Variants in PTPRD observed in about 807,000 individuals in gnomAD.
PTPRD encodes the protein protein tyrosine phosphatase receptor type D.
Under a neutral mutation model 214.5 loss-of-function variants are expected in PTPRD, and 34 were observed. The ratio of observed to expected loss-of-function variants is 0.16; its 90% CI spans 0.12 to 0.21. PTPRD has a LOEUF of 0.21. Among genes scored for constraint, PTPRD ranks in the 10% least tolerant of loss-of-function variants. The pLI is 1.00. For missense variants in PTPRD, 2,545 were observed against 2,398.7 expected, an observed-to-expected ratio of 1.06 and a Z score of -1.27; for synonymous variants, 1,128 against 845.7, an observed-to-expected ratio of 1.33 and a Z score of -5.79.
At chr9:9,145,474 C>A (rs1484094378) in intron 10 of PTPRD, among the ~76,000 whole-genome samples, 1 of 151,760 alleles carries the variant, frequency 6.6e-6, no homozygotes, top group Non-Finnish European at 1.5e-5. Context: ...TTTTATTAGT[C>A]AAGAATACCT....
chr9:9,331,560 T>A (rs1450576682), intron 9 of PTPRD, among the ~76,000 whole-genome samples: 2 of 152,060 alleles, frequency 1.3e-5, no homozygotes, highest in African/African-American at 2.4e-5. Context: ...GGAGAGTAGA[T>A]CGTTATGGAT....
intron 11 of PTPRD, among the ~76,000 whole-genome samples, chr9:8,748,686 C>T (rs773192786): frequency 3.9e-5 from 6 of 151,982 alleles, no homozygotes; most frequent in South Asian, 2.1e-4. Context: ...CCAAGGCAGA[C>T]GGATCACCTG....
intron 36 of PTPRD, among the ~76,000 whole-genome samples, chr9:8,400,824 G>A (rs1752246869): frequency 2.0e-5 from 3 of 152,006 alleles, no homozygotes; most frequent in Non-Finnish European, 4.4e-5. Context: ...TCACACTGCC[G>A]CTTCACTAGA....
rs189740083 is a variant in PTPRD, at chr9:9,481,914, T to A, written c.-236-84432A>T. On this transcript the variant is annotated intron_variant, in intron 8 of 45. Transcript: ENST00000381196. Reference sequence around the variant, plus strand: ...ATTGCATTTTATCTAACCCAAAGAATCTTAATAGATAAAAATTAATAAAAT... The same window carrying A: ...ATTGCATTTTATCTAACCCAAAGAAACTTAATAGATAAAAATTAATAAAAT... Among the ~76,000 whole-genome samples, 11 of 152,282 alleles carry A rather than the reference T, an allele frequency of 7.2e-5. No individual in the cohort carries two copies. In the East Asian group the frequency reaches 2.1e-3, roughly 29 times the overall value.
chr9:8,329,941 T>C (rs1838161254), intron 44 of PTPRD, among the ~76,000 whole-genome samples: 1 of 55,098 alleles, frequency 1.8e-5, no homozygotes. Flanking sequence ...GGATCGTATC[T>C]TGCTGGGCTC....
intron 9 of PTPRD, among the ~76,000 whole-genome samples, chr9:9,359,336 C>G (rs578003602): frequency 1.5e-4 from 22 of 151,346 alleles, no homozygotes; most frequent in African/African-American, 5.3e-4. Context: ...TAGGAAAGGA[C>G]ACTTCGGGGA....
At chr9:9,194,991 G>C (rs1021248792) in intron 9 of PTPRD, among the ~76,000 whole-genome samples, 6 of 151,010 alleles carry the variant, frequency 4.0e-5, no homozygotes, top group Non-Finnish European at 7.4e-5. Context: ...CTACGTGTGT[G>C]TGTGTGTGTA....
At chr9:8,826,421 C>T (rs968189312) in intron 11 of PTPRD, among the ~76,000 whole-genome samples, 3 of 152,172 alleles carry the variant, frequency 2.0e-5, no homozygotes, top group African/African-American at 7.2e-5. Context: ...GACCTCCTGA[C>T]CATTTTTCTC....
intron 10 of PTPRD, among the ~76,000 whole-genome samples, chr9:9,061,962 T>TTGG: frequency 6.6e-6 from 1 of 151,778 alleles, no homozygotes; most frequent in South Asian, 2.1e-4. Context: ...AAGAACCGAC[T>TTGG]GTGGGAGTAG....
intron 3 of PTPRD, among the ~76,000 whole-genome samples, chr9:10,158,324 A>G (rs1170742597): frequency 2.6e-5 from 4 of 152,202 alleles, no homozygotes; most frequent in African/African-American, 9.6e-5. Context: ...GTTCTTTTCT[A>G]TACTGGGTAT....
At chr9:8,366,777 C>T (rs1313856894) in intron 39 of PTPRD, among the ~76,000 whole-genome samples, 1 of 152,216 alleles carries the variant, frequency 6.6e-6, no homozygotes, top group African/African-American at 2.4e-5. Context: ...TGCCAAAATG[C>T]TGGACGTCAT....
intron 8 of PTPRD, among the ~76,000 whole-genome samples, chr9:9,500,825 T>C (rs2154220615): frequency 6.6e-6 from 1 of 152,168 alleles, no homozygotes; most frequent in South Asian, 2.1e-4. Context: ...GGTGTTACAA[T>C]AGATGTAGAA....
chr9:8,656,338 T>A (rs1596224318), intron 12 of PTPRD, among the ~76,000 whole-genome samples: 2 of 152,226 alleles, frequency 1.3e-5, no homozygotes, highest in East Asian at 3.9e-4. Context: ...ACCTGCTTCT[T>A]GAAAGCTGAT....
In PTPRD at chr9:9,992,199, A is replaced by AACC. The variant is rs532554712; in HGVS notation, c.-472+41516_-472+41518dup. 5.6e-3 allele frequency among the ~76,000 whole-genome samples: 854 copies of AACC among 152,328 alleles called. 5 individuals carry two copies. Among genetic ancestry groups the AACC allele is most frequent in the Non-Finnish European group, 9.5e-3 (643 of 68,028 alleles). On this transcript the variant is annotated intron_variant, in intron 4 of 45. Transcript: ENST00000381196. ...GTTGCATGACTGTGAATATACTGAAAACCACTGAATTGTGTGTTTTCAATG... is the reference window on the plus strand; with the variant it reads ...GTTGCATGACTGTGAATATACTGAAAACCACCACTGAATTGTGTGTTTTCAATG...
In PTPRD at chr9:8,655,091, A is replaced by T. The variant is rs190335021; in HGVS notation, c.65-18247T>A. ...AACAAGCAATCAACGATTCAAAAAA[A>T]TTAAATAGTTAAAAAAATAGGAAAG... On this transcript the variant is annotated intron_variant, in intron 12 of 45. Coordinates refer to ENST00000381196, the MANE Select transcript of PTPRD (RefSeq NM_002839.4). 3.4e-3 allele frequency among the ~76,000 whole-genome samples: 522 copies of T among 152,336 alleles called. 10 individuals carry two copies. Among genetic ancestry groups the T allele is most frequent in the Non-Finnish European group, 1.3e-3 (91 of 68,028 alleles).
At chr9:9,526,588 T>C (rs1350659485) in intron 8 of PTPRD, among the ~76,000 whole-genome samples, 2 of 152,208 alleles carry the variant, frequency 1.3e-5, no homozygotes, top group East Asian at 3.8e-4. Flanking sequence ...CAGAAATGTG[T>C]AAGCAAATTT....
intron 11 of PTPRD, among the ~76,000 whole-genome samples, chr9:8,937,766 C>T (rs1311086535): frequency 1.3e-5 from 2 of 152,154 alleles, no homozygotes; most frequent in East Asian, 3.9e-4. Context: ...TAATCTTTGG[C>T]ATTTTATTCT....
chr9:9,022,506 T>G (rs989769043), intron 10 of PTPRD, among the ~76,000 whole-genome samples: 3 of 152,146 alleles, frequency 2.0e-5, no homozygotes, highest in African/African-American at 7.2e-5. Context: ...CACAGTAACA[T>G]TCTGTACAGG....
At chr9:8,503,815 A>C (rs1214640903) in intron 23 of PTPRD, among the ~76,000 whole-genome samples, 2 of 152,240 alleles carry the variant, frequency 1.3e-5, no homozygotes, top group African/African-American at 4.8e-5. Context: ...AAATACATGA[A>C]ATAAGGACTT....
Sources: allele counts gnomAD v4.1 joint callset (sites outside exome capture counted in the v4.1 genomes callset), GRCh38; gene constraint gnomAD v4.1.1; transcripts MANE v1.5; gene names NCBI Gene and HGNC (gene_info 2026-07-23, HGNC 2026-07-21).